The following TREM1 variants were observed in gnomAD, a reference collection of about 807,000 sequenced individuals.
TREM1 encodes triggering receptor expressed on myeloid cells 1, also known as triggering receptor expressed on monocytes 1.
Under a neutral mutation model 22.4 loss-of-function variants are expected in TREM1, and 16 were observed. The ratio of observed to expected loss-of-function variants is 0.71; its 90% CI spans 0.48 to 1.08. The LOEUF (loss-of-function observed/expected upper bound fraction) is 1.08. Among genes scored for constraint, TREM1 ranks in the 50% least tolerant of loss-of-function variants. The pLI, the probability that TREM1 is intolerant of heterozygous loss-of-function variation, is 0.00. For synonymous variants in TREM1, 110 were observed against 111.6 expected (o/e 0.99, Z 0.09); for missense variants, 283 against 282.9 (o/e 1.00, Z 0.00).
intron 1 of TREM1, among the ~76,000 whole-genome samples, chr6:41,286,020 G>C (rs939486526): frequency 6.6e-6 from 1 of 152,214 alleles, no homozygotes. Flanking sequence ...TGTGCGGATC[G>C]TAAGAGGAGA....
chr6:41,279,075 C>G (rs76662338), intron 3 of TREM1, among the ~76,000 whole-genome samples: 1 of 152,198 alleles, frequency 6.6e-6, no homozygotes, highest in African/African-American at 2.4e-5. Context: ...CTACAGCCCT[C>G]CCCCTTCCAC....
rs1200232285 is a variant in TREM1 at position 41,281,363 on chromosome 6, A to G, written c.407-210T>C. The G allele has an allele frequency of 5.0e-5, 28 of 562,608 alleles. No homozygotes were observed. The East Asian group carries it at 8.3e-4, about 17-fold the overall frequency. 34.9% of individuals were successfully genotyped at this position (562,608 alleles called of 1,614,324 possible). Reference sequence around the variant, plus strand: ...AAGCCAAAGAAATACTGTGGAGTCAACCTGAGTCAGAAATCGAAAAAAGGA... The same window carrying G: ...AAGCCAAAGAAATACTGTGGAGTCAGCCTGAGTCAGAAATCGAAAAAAGGA... On this transcript the variant is annotated intron_variant, in intron 2 of 3. Coordinates refer to ENST00000244709, the MANE Select transcript of TREM1 (RefSeq NM_018643.5).
chr6:41,279,302 G>A (rs569853335), intron 3 of TREM1, among the ~76,000 whole-genome samples: 10 of 152,312 alleles, frequency 6.6e-5, no homozygotes, highest in South Asian at 6.2e-4. Flanking sequence ...CTTGCGTGGG[G>A]CCACTTCTAC....
downstream of TREM1, among the ~76,000 whole-genome samples, chr6:41,269,149 T>C (rs1055460240): frequency 6.6e-6 from 1 of 152,210 alleles, no homozygotes; most frequent in African/African-American, 2.4e-5. Flanking sequence ...AAGAGTTTTA[T>C]AGAAAAACTT....
At chr6:41,282,059 G>A in intron 2 of TREM1, 1 of 266,774 alleles carries the variant, frequency 3.7e-6, no homozygotes. Context: ...TGCTTCAGAA[G>A]CACACAGGCA....
At chr6:41,279,743 G>C in intron 3 of TREM1, 1 of 985,446 alleles carries the variant, frequency 1.0e-6, no homozygotes, top group African/African-American at 1.7e-5. Flanking sequence ...CTAAATCCGT[G>C]TCTGTAAGCC....
rs563723817 is a variant in TREM1 at position 41,279,422 on chromosome 6, A to G, written c.599+1539T>C. 4.0e-5 allele frequency: 24 copies of G among 605,760 alleles called. No individual in the cohort carries two copies. In the African/African-American group the frequency reaches 4.7e-4, roughly 12 times the overall value. 37.5% of individuals were successfully genotyped at this position (605,760 alleles called of 1,614,324 possible). On this transcript the variant is annotated intron_variant, in intron 3 of 3. Coordinates refer to ENST00000244709, the MANE Select transcript of TREM1 (RefSeq NM_018643.5). ...TGATTAAAAGGCCCAGAACCTGGACAGCTTACACTTAAGGCCCTCCTTCCG... is the reference window on the plus strand; with the variant it reads ...TGATTAAAAGGCCCAGAACCTGGACGGCTTACACTTAAGGCCCTCCTTCCG...
At chr6:41,284,139 T>C (rs1167786364) in intron 1 of TREM1, among the ~76,000 whole-genome samples, 2 of 151,956 alleles carry the variant, frequency 1.3e-5, no homozygotes, top group Non-Finnish European at 2.9e-5. Context: ...GCAGTGGTTC[T>C]CCACTGGGGA....
Position 41,273,971 on chromosome 6 carries a change from C to T in TREM1, c.*2154G>A, listed in dbSNP as rs951132119. 2.0e-5 allele frequency among the ~76,000 whole-genome samples: 3 copies of T among 152,210 alleles called. No individual in the cohort carries two copies. The highest frequency in any genetic ancestry group is 7.2e-5 in the African/African-American group (3 of 41,462). ...TGGTTTAGCCACATTGGTCAGGTTCCCAGGCAGGATGGGGAGGATGGAGCA... is the reference window on the plus strand; with the variant it reads ...TGGTTTAGCCACATTGGTCAGGTTCTCAGGCAGGATGGGGAGGATGGAGCA... On this transcript the variant is annotated 3_prime_UTR_variant, in exon 4 of 4. Transcript: ENST00000244709.
rs553489064 is a variant in TREM1, at chr6:41,281,494, C to T, written c.407-341G>A. 9 of 285,330 alleles carry T rather than the reference C, an allele frequency of 3.2e-5. No individual in the cohort carries two copies. In the South Asian group the frequency reaches 4.7e-4, roughly 15 times the overall value. 17.7% of individuals were successfully genotyped at this position (285,330 alleles called of 1,614,324 possible). ...AAATGAACTTGCCTTCTGTTCTTCA[C>T]CAATTCTTGTGCCCCAACCTTCTCC... On this transcript the variant is annotated intron_variant, in intron 2 of 3. Transcript: ENST00000244709.
At chr6:41,280,907 G>A (rs1767880329) in intron 3 of TREM1, 54 bp downstream of exon 3, 1 of 1,613,124 alleles carries the variant, frequency 6.2e-7, no homozygotes, top group African/African-American at 1.3e-5. Flanking sequence ...ACACAGACTG[G>A]GAAACAAAGG....
At position 41,274,117 on chromosome 6, in the gene TREM1, A is replaced by G. The variant is rs1267033253; in HGVS notation, c.*2008T>C. 6.6e-6 allele frequency among the ~76,000 whole-genome samples: 1 copy of G among 152,208 alleles called. No individual in the cohort carries two copies. Among genetic ancestry groups the G allele is most frequent in the Non-Finnish European group, 1.5e-5 (1 of 68,036 alleles). On this transcript the variant is annotated 3_prime_UTR_variant, in exon 4 of 4. Transcript: ENST00000244709. Reference sequence around the variant, plus strand: ...GGACTTAAATAACACTTGATCTATAATAAGTTAAGCACACAAGCATGCACT... The same window carrying G: ...GGACTTAAATAACACTTGATCTATAGTAAGTTAAGCACACAAGCATGCACT...
At chr6:41,268,589 C>G (rs547390732) in intron 3 of TREM1, among the ~76,000 whole-genome samples, 45 of 152,212 alleles carry the variant, frequency 3.0e-4, no homozygotes, top group African/African-American at 1.0e-3. Flanking sequence ...AAGGTTGGAG[C>G]CACTGAATGT....
chr6:41,281,016 C>A lies in TREM1; in HGVS notation c.544G>T (p.Asp182Tyr), dbSNP rs368519218. The A allele has an allele frequency of 6.2e-7, 1 of 1,614,198 alleles. No homozygotes were observed. The highest frequency in any genetic ancestry group is 8.5e-7 in the Non-Finnish European group (1 of 1,180,042). ...VTQAPPKSTADVSTPDSEINL... is the reference protein window; with the variant it reads ...VTQAPPKSTAYVSTPDSEINL... ...ATTTCAGAGTCAGGAGTGGAGACATCGGCAGTTGACTTGGGTGGAGCTTGG... is the reference window on the plus strand; with the variant it reads ...ATTTCAGAGTCAGGAGTGGAGACATAGGCAGTTGACTTGGGTGGAGCTTGG... The change falls in exon 3 of 4, where the codon GAT becomes TAT. Residue 182 changes from aspartate to tyrosine, a missense_variant. Physicochemically the swap from Asp to Tyr is radical, Grantham distance 160. Coordinates refer to ENST00000244709, the MANE Select transcript of TREM1 (RefSeq NM_018643.5).
At chr6:41,279,758 A>G (rs6916548) in intron 3 of TREM1, 27,731 of 985,418 alleles carry the variant, frequency 0.028, 1,588 homozygotes, top group African/African-American at 0.21. Flanking sequence ...TAAGCCTGCC[A>G]TGACACTGCT....
Position 41,274,852 on chromosome 6 carries a change from T to G in TREM1, c.*1273A>C, listed in dbSNP as rs1414921636. ...ATTGTAAAAATACATTTACCTAACA[T>G]GAGACACACGGTATGTGTGGAAAAG... On this transcript the variant is annotated 3_prime_UTR_variant, in exon 4 of 4. Coordinates refer to ENST00000244709, the MANE Select transcript of TREM1 (RefSeq NM_018643.5). Among the ~76,000 whole-genome samples, 1 of 152,058 alleles carries G rather than the reference T, an allele frequency of 6.6e-6. No individual in the cohort carries two copies. Among genetic ancestry groups the G allele is most frequent in the African/African-American group, 2.4e-5 (1 of 41,406 alleles).
At chr6:41,283,422 A>G (rs74988059) in intron 1 of TREM1, among the ~76,000 whole-genome samples, 650 of 152,184 alleles carry the variant, frequency 4.3e-3, no homozygotes, top group African/African-American at 0.015. Context: ...CAAGTACCCC[A>G]TCTCGGGGCC....
In TREM1 at chr6:41,273,856, AC is replaced by A. The variant is rs1022272272; in HGVS notation, c.*2268del. Among the ~76,000 whole-genome samples, 1 of 151,972 alleles carries A rather than the reference AC, an allele frequency of 6.6e-6. No homozygotes were observed. The highest frequency in any genetic ancestry group is 2.4e-5 in the African/African-American group (1 of 41,382). ...CAGGGAGGGAGCCCTGAGGACAGAA[AC>A]CCTGATCTGACTGTCTCCCCACCCT... is the stretch of plus-strand genomic sequence containing the variant. On this transcript the variant is annotated 3_prime_UTR_variant, in exon 4 of 4. Transcript: ENST00000244709.
intron 2 of TREM1, chr6:41,281,692 C>T (rs1767926724): frequency 6.2e-6 from 1 of 161,666 alleles, no homozygotes; most frequent in African/African-American, 2.4e-5. Context: ...CTCTGTCTTC[C>T]ATAATTCATT....
Sources: allele counts gnomAD v4.1 joint callset (sites outside exome capture counted in the v4.1 genomes callset), GRCh38; gene constraint gnomAD v4.1.1; transcripts MANE v1.5; gene names NCBI Gene and HGNC (gene_info 2026-07-23, HGNC 2026-07-21).